TMEM150C: variants seen among roughly 807,000 people sequenced by gnomAD.
TMEM150C encodes tentonin 3.
TMEM150C carries 10 observed loss-of-function variants against 29.9 expected under a neutral mutation model. That is an observed-to-expected ratio of 0.33 (90% CI 0.21 to 0.57). The LOEUF is 0.57. Among genes scored for constraint, TMEM150C ranks in the 20% least tolerant of loss-of-function variants. The pLI is 0.88. For missense variants in TMEM150C, 251 were observed against 303.6 expected (o/e 0.83, Z 1.29); for synonymous variants, 101 against 112.5 (o/e 0.90, Z 0.64).
At chr4:82,488,024 T>G (rs2110061112) in intron 7 of TMEM150C, among the ~76,000 whole-genome samples, 1 of 152,332 alleles carries the variant, frequency 6.6e-6, no homozygotes, top group South Asian at 2.1e-4. Flanking sequence ...TCTGGGATTT[T>G]GGTGCACCCA....
chr4:82,488,354 G>A (rs184024662), intron 7 of TMEM150C, among the ~76,000 whole-genome samples: 5 of 152,184 alleles, frequency 3.3e-5, no homozygotes, highest in South Asian at 2.1e-4. Flanking sequence ...GATCCACCAC[G>A]CATTATCTGT....
intron 1 of TMEM150C, among the ~76,000 whole-genome samples, chr4:82,561,239 C>T (rs1725912367): frequency 6.6e-6 from 1 of 152,220 alleles, no homozygotes; most frequent in South Asian, 2.1e-4. Flanking sequence ...CAGCAGATTA[C>T]CAAAGAGCCT....
intron 1 of TMEM150C, among the ~76,000 whole-genome samples, chr4:82,528,112 A>C (rs1724713255): frequency 6.6e-6 from 1 of 152,242 alleles, no homozygotes; most frequent in Non-Finnish European, 1.5e-5. Context: ...TGATAGAATA[A>C]ATGCTATATA....
At chr4:82,495,904 C>T (rs1352980246) in intron 6 of TMEM150C, 164 bp downstream of exon 6, 1 of 833,122 alleles carries the variant, frequency 1.2e-6, no homozygotes, top group Non-Finnish European at 1.9e-6. Context: ...CTTGAAGCAG[C>T]TGAACAGCTC....
chr4:82,539,970 T>C (rs72895789), intron 1 of TMEM150C, among the ~76,000 whole-genome samples: 297 of 152,132 alleles, frequency 2.0e-3, no homozygotes, highest in African/African-American at 6.8e-3. Flanking sequence ...AAGAATTCAA[T>C]AGAAAAACTT....
intron 1 of TMEM150C, among the ~76,000 whole-genome samples, chr4:82,534,291 T>G (rs529105753): frequency 9.2e-5 from 14 of 152,280 alleles, no homozygotes; most frequent in African/African-American, 3.1e-4. Flanking sequence ...ATAGGCTTAT[T>G]TACCAACCAA....
At chr4:82,502,641 C>A in intron 5 of TMEM150C, 86 bp downstream of exon 5, 1 of 1,299,046 alleles carries the variant, frequency 7.7e-7, no homozygotes, top group Non-Finnish European at 1.1e-6. Flanking sequence ...AATAAGCCCC[C>A]CATTGTTTTG....
At chr4:82,549,086 A>G (rs1217963102) in intron 1 of TMEM150C, among the ~76,000 whole-genome samples, 1 of 152,254 alleles carries the variant, frequency 6.6e-6, no homozygotes, top group Non-Finnish European at 1.5e-5. Flanking sequence ...CTAAAAAAAA[A>G]AATCCCCAAT....
At chr4:82,516,384 C>T (rs1476612997) in intron 1 of TMEM150C, among the ~76,000 whole-genome samples, 1 of 152,096 alleles carries the variant, frequency 6.6e-6, no homozygotes, top group Non-Finnish European at 1.5e-5. Context: ...GAACCATGAG[C>T]ACATAGCCTG....
At chr4:82,513,821 AG>A (rs958670171) in intron 1 of TMEM150C, among the ~76,000 whole-genome samples, 6 of 152,314 alleles carry the variant, frequency 3.9e-5, no homozygotes, top group African/African-American at 1.4e-4. Context: ...ACATTGAGAG[AG>A]GAAAACATGG....
At chr4:82,527,318 T>A (rs568987504) in intron 1 of TMEM150C, among the ~76,000 whole-genome samples, 65 of 152,228 alleles carry the variant, frequency 4.3e-4, no homozygotes, top group Non-Finnish European at 7.8e-4. Flanking sequence ...AGCCACTCTG[T>A]TCTTATGTTC....
intron 1 of TMEM150C, among the ~76,000 whole-genome samples, chr4:82,540,171 T>G (rs542109983): frequency 5.3e-4 from 72 of 136,944 alleles, no homozygotes; most frequent in Middle Eastern, 3.7e-3. Context: ...GGTCTTGCTC[T>G]GTTGTCATGG....
chr4:82,501,027 T>C (rs983564195), intron 5 of TMEM150C, among the ~76,000 whole-genome samples: 2 of 152,264 alleles, frequency 1.3e-5, no homozygotes, highest in Admixed American at 6.5e-5. Flanking sequence ...CGTGCTATAA[T>C]GGCAGAGGGG....
intron 5 of TMEM150C, 24 bp downstream of exon 5, chr4:82,502,703 A>G: frequency 6.3e-7 from 1 of 1,596,652 alleles, no homozygotes; most frequent in Non-Finnish European, 8.5e-7. Context: ...AAAGCACATA[A>G]AGCGTTCTTT....
In TMEM150C at chr4:82,550,018, C is replaced by T. The variant is rs190801913; in HGVS notation, c.-11+11888G>A. Among the ~76,000 whole-genome samples the T allele has an allele frequency of 5.9e-5, 9 of 152,182 alleles. No individual in the cohort carries two copies. The East Asian group carries it at 1.7e-3, about 29-fold the overall frequency. ...CACAAAGAAAAATGGACATCATATC[C>T]TCTGAGGAAAGGAGGTTGATATGGT... On this transcript the variant is annotated intron_variant, in intron 1 of 7. Coordinates refer to ENST00000449862, the MANE Select transcript of TMEM150C (RefSeq NM_001080506.3).
Position 82,535,933 on chromosome 4 carries a change from C to A in TMEM150C, c.-11+25973G>T, listed in dbSNP as rs553090109. ...ACACGTTAGATGTATGTAGCACCCCCCTCCCTGCTGCAACAACCAAAAATA... is the reference window on the plus strand; with the variant it reads ...ACACGTTAGATGTATGTAGCACCCCACTCCCTGCTGCAACAACCAAAAATA... On this transcript the variant is annotated intron_variant, in intron 1 of 7. Coordinates refer to ENST00000449862, the MANE Select transcript of TMEM150C (RefSeq NM_001080506.3). 2.6e-5 allele frequency among the ~76,000 whole-genome samples: 4 copies of A among 152,186 alleles called. No individual in the cohort carries two copies. The South Asian group carries it at 8.3e-4, about 32-fold the overall frequency.
At chr4:82,511,869 A>G (rs1214704620) in intron 1 of TMEM150C, among the ~76,000 whole-genome samples, 1 of 152,234 alleles carries the variant, frequency 6.6e-6, no homozygotes, top group African/African-American at 2.4e-5. Context: ...GATCCTCTTC[A>G]GAGTCCGTTT....
At chr4:82,490,853 CT>C in intron 6 of TMEM150C, 1 of 669,324 alleles carries the variant, frequency 1.5e-6, no homozygotes, top group Non-Finnish European at 2.8e-6. Context: ...GTTCTTTAGC[CT>C]TTGCCTTTTT....
At position 82,485,445 on chromosome 4, in the gene TMEM150C, G is replaced by T; in HGVS notation, c.*66C>A. 8.2e-7 allele frequency: 1 copy of T among 1,215,262 alleles called. No homozygotes were observed. The allele number at this position is 1,215,262 out of a possible 1,614,324, so 75.3% of individuals were successfully genotyped here. ...AATGAGGTTCTATGTCAAGTCCTGT[G>T]AGTGTGTCCTACTGGCCCCTCCCCC... On this transcript the variant is annotated 3_prime_UTR_variant, in exon 8 of 8. Transcript: ENST00000449862.
Sources: allele counts gnomAD v4.1 joint callset (sites outside exome capture counted in the v4.1 genomes callset), GRCh38; gene constraint gnomAD v4.1.1; transcripts MANE v1.5; gene names NCBI Gene and HGNC (gene_info 2026-07-23, HGNC 2026-07-21).